VPS26B: variants seen among roughly 807,000 people sequenced by gnomAD.
VPS26B encodes the protein VPS26 retromer complex component B.
Under a neutral mutation model 33.3 loss-of-function variants are expected in VPS26B, and 10 were observed. The observed-to-expected ratio is 0.30, with a 90% CI of 0.19 to 0.51. The LOEUF (loss-of-function observed/expected upper bound fraction) is 0.51, where lower values mean the gene tolerates loss of function less well. Ranked by LOEUF, VPS26B falls within the 20% of genes least tolerant of loss-of-function variation. The probability of loss-of-function intolerance (pLI) is 0.98; values close to 1 mark genes in which losing one functional copy is unlikely to be tolerated. For missense variants in VPS26B, 317 were observed against 452.7 expected (o/e 0.70, Z 2.72); for synonymous variants, 190 against 176.9 (o/e 1.07, Z -0.59).
chr11:134,244,075 C>T lies in VPS26B; in HGVS notation c.721+781C>T, dbSNP rs1055199779. 1.3e-5 allele frequency: 2 copies of T among 152,176 alleles called. No homozygotes were observed. The highest frequency in any genetic ancestry group is 4.8e-5 in the African/African-American group (2 of 41,424). 9.4% of individuals were successfully genotyped at this position (152,176 alleles called of 1,614,324 possible). On this transcript the variant is annotated intron_variant, in intron 4 of 5. Coordinates refer to ENST00000281187, the MANE Select transcript of VPS26B (RefSeq NM_052875.5). The surrounding 1 kb of genome is among the most constrained non-coding windows in gnomAD (Gnocchi z 4.0). ...TTAGCTGCCTGCAGCTCTGGGGACA[C>T]GCGGGTGTTACCATGCCAGGCCCTT...
intron 3 of VPS26B, 34 bp from the exon 4 acceptor site, chr11:134,243,085 C>G (rs1352931866): frequency 1.2e-6 from 2 of 1,610,296 alleles, no homozygotes; most frequent in African/African-American, 2.7e-5. Context: ...GCCACAGTAC[C>G]AACATCTTAC....
intron 1 of VPS26B, among the ~76,000 whole-genome samples, chr11:134,228,203 T>C (rs981458060): frequency 1.3e-5 from 2 of 152,132 alleles, no homozygotes; most frequent in African/African-American, 2.4e-5. Flanking sequence ...GGAGTTTGTG[T>C]TCCTGAAATA....
Position 134,225,036 on chromosome 11 carries a change from G to C in VPS26B, c.-87G>C. 3 of 1,304,844 alleles carry C rather than the reference G, an allele frequency of 2.3e-6. No homozygotes were observed. The highest frequency in any genetic ancestry group is 3.0e-6 in the Non-Finnish European group (3 of 990,686). 80.8% of individuals were successfully genotyped at this position (1,304,844 alleles called of 1,614,324 possible). A position where few individuals can be genotyped will look rare whatever the true frequency, so the allele number is the denominator to read the frequency against. On this transcript the variant is annotated 5_prime_UTR_variant, in exon 1 of 6. Transcript: ENST00000281187. ...GGCGGCCGAGCGCGCTCGCGCATCGGGCCCTCTGGCCTTCTTTACCTAGGG... is the reference window on the plus strand; with the variant it reads ...GGCGGCCGAGCGCGCTCGCGCATCGCGCCCTCTGGCCTTCTTTACCTAGGG...
rs767706549 is a variant in VPS26B at position 134,240,163 on chromosome 11, T to C, written c.545+8T>C. On this transcript the variant is annotated splice_region_variant and intron_variant, in intron 3 of 5. Transcript: ENST00000281187. The surrounding 1 kb of genome is among the most constrained non-coding windows in gnomAD (Gnocchi z 4.4). Reference sequence around the variant, plus strand: ...TGAGTACAATAAATCCAAGTAAGTGTCTCAGTGCCAAGGTTGTGAAATGAT... The same window carrying C: ...TGAGTACAATAAATCCAAGTAAGTGCCTCAGTGCCAAGGTTGTGAAATGAT... 1 of 1,614,026 alleles carries C rather than the reference T, an allele frequency of 6.2e-7. No homozygotes were observed. The highest frequency in any genetic ancestry group is 2.2e-5 in the East Asian group (1 of 44,878).
At chr11:134,239,845 GTCTGT>G (rs1453250462) in intron 2 of VPS26B, 141 bp from the exon 3 acceptor site, 11 of 821,228 alleles carry the variant, frequency 1.3e-5, no homozygotes, top group Non-Finnish European at 2.2e-5. Flanking sequence ...CTGGAAGAGG[GTCTGT>G]AACTTCTTAA....
Position 134,243,291 on chromosome 11 carries a change from C to T in VPS26B, c.718C>T (p.Arg240Ter). The T allele has an allele frequency of 1.9e-6, 3 of 1,613,842 alleles. No individual in the cohort carries two copies. Among genetic ancestry groups the T allele is most frequent in the Non-Finnish European group, 2.5e-6 (3 of 1,179,802 alleles). ...KYEIMDGAPVRGESIPIRLFL... is the reference protein window; with the variant it reads ...KYEIMDGAPV ...CGAGATCATGGACGGGGCACCAGTGCGAGGTGAGACTCCAGGCCCAGGCCT... is the reference window on the plus strand; with the variant it reads ...CGAGATCATGGACGGGGCACCAGTGTGAGGTGAGACTCCAGGCCCAGGCCT... The change falls in exon 4 of 6, where the codon CGA (arginine) becomes TGA (stop). Residue 240 changes from arginine (R) to a stop codon, truncating the protein, a stop_gained. Coordinates refer to ENST00000281187, the MANE Select transcript of VPS26B (RefSeq NM_052875.5). LOFTEE classifies it high-confidence loss of function.
Position 134,245,879 on chromosome 11 carries a change from C to T in VPS26B, c.*289C>T, listed in dbSNP as rs773658884. On this transcript the variant is annotated 3_prime_UTR_variant, in exon 6 of 6. Transcript: ENST00000281187. The surrounding 1 kb of genome is among the most constrained non-coding windows in gnomAD (Gnocchi z 4.7). ...CCCCCTTCCTCGGGGGGCTGCCTTG[C>T]GTCTTAGAGGAGGGAGAGCAGAGAG... 64 of 405,954 alleles carry T rather than the reference C, an allele frequency of 1.6e-4. No homozygotes were observed. The highest frequency in any genetic ancestry group is 2.7e-4 in the Non-Finnish European group (60 of 219,638). 25.1% of individuals were successfully genotyped at this position (405,954 alleles called of 1,614,324 possible). A position where few individuals can be genotyped will look rare whatever the true frequency, so the allele number is the denominator to read the frequency against.
chr11:134,242,502 G>A (rs954530249), intron 3 of VPS26B, among the ~76,000 whole-genome samples: 2 of 152,252 alleles, frequency 1.3e-5, no homozygotes, highest in African/African-American at 2.4e-5. Context: ...CTGTGCACAT[G>A]TAGACTATTG....
chr11:134,237,570 G>A (rs1204161993), intron 2 of VPS26B, among the ~76,000 whole-genome samples: 1 of 152,216 alleles, frequency 6.6e-6, no homozygotes, highest in East Asian at 1.9e-4. Context: ...CTGCTCAGAG[G>A]TCATAACTGA....
rs1347990005 is a variant in VPS26B, at chr11:134,245,488, G to A, written c.909G>A (p.Met303Ile). ...WRKGDIVRKS[M>I]SHQAAIASQR... is the part of the protein sequence containing the mutation. ...AGGGTGACATCGTACGGAAGAGCAT[G>A]TCCCACCAGGCGGCCATCGCCTCAC... The change falls in exon 6 of 6, where the codon ATG becomes ATA. Residue 303 changes from methionine to isoleucine, a missense_variant. Transcript: ENST00000281187. The surrounding 1 kb of genome is among the most constrained non-coding windows in gnomAD (Gnocchi z 4.7). 2 of 1,613,876 alleles carry A rather than the reference G, an allele frequency of 1.2e-6. No individual in the cohort carries two copies. The highest frequency in any genetic ancestry group is 1.7e-6 in the Non-Finnish European group (2 of 1,179,918).
chr11:134,232,915 G>A (rs1318002223), intron 1 of VPS26B, among the ~76,000 whole-genome samples: 2 of 152,150 alleles, frequency 1.3e-5, no homozygotes, highest in Non-Finnish European at 2.9e-5. Context: ...AGGAGTCCCT[G>A]TCCCCGGGGC....
Position 134,245,993 on chromosome 11 carries a change from G to A in VPS26B, c.*403G>A. The stretch of plus-strand genomic sequence containing the variant: ...TTCTGAGCTGCCAACAGGGCCCTGG[G>A]TAGTCACATCTTGTACTCCCCTTTG... On this transcript the variant is annotated 3_prime_UTR_variant, in exon 6 of 6. Transcript: ENST00000281187. The surrounding 1 kb of genome is among the most constrained non-coding windows in gnomAD (Gnocchi z 4.7). The A allele has an allele frequency of 5.5e-6, 1 of 180,748 alleles. No homozygotes were observed. Among genetic ancestry groups the A allele is most frequent in the Non-Finnish European group, 1.2e-5 (1 of 84,458 alleles). 11.2% of individuals were successfully genotyped at this position (180,748 alleles called of 1,614,324 possible). A position where few individuals can be genotyped will look rare whatever the true frequency, so the allele number is the denominator to read the frequency against.
intron 1 of VPS26B, among the ~76,000 whole-genome samples, chr11:134,229,073 A>G (rs563195246): frequency 6.6e-6 from 1 of 152,314 alleles, no homozygotes; most frequent in East Asian, 1.9e-4. Context: ...TCCGTCACCC[A>G]GGCTAGAGTG....
chr11:134,233,016 G>A (rs1188455114), intron 1 of VPS26B, among the ~76,000 whole-genome samples: 1 of 152,200 alleles, frequency 6.6e-6, no homozygotes. Context: ...CCCATAATTT[G>A]GAGCTGCCAC....
intron 1 of VPS26B, among the ~76,000 whole-genome samples, chr11:134,233,331 C>T (rs918438880): frequency 1.3e-5 from 2 of 152,296 alleles, no homozygotes; most frequent in East Asian, 1.9e-4. Flanking sequence ...TCATCTGCCC[C>T]GCTGCAAGTT....
chr11:134,245,868 G>C lies in VPS26B; in HGVS notation c.*278G>C, dbSNP rs1460727197. On this transcript the variant is annotated 3_prime_UTR_variant, in exon 6 of 6. Transcript: ENST00000281187. The surrounding 1 kb of genome is among the most constrained non-coding windows in gnomAD (Gnocchi z 4.7). ...GGGAACATGAGCCCCCTTCCTCGGG[G>C]GGCTGCCTTGCGTCTTAGAGGAGGG... 2 of 430,282 alleles carry C rather than the reference G, an allele frequency of 4.6e-6. No homozygotes were observed. Among genetic ancestry groups the C allele is most frequent in the South Asian group, 3.3e-5 (1 of 30,458 alleles). The allele number at this position is 430,282 out of a possible 1,614,324, so 26.7% of individuals were successfully genotyped here.
chr11:134,233,402 T>G (rs1254670267), intron 1 of VPS26B, among the ~76,000 whole-genome samples: 1 of 152,158 alleles, frequency 6.6e-6, no homozygotes, highest in Non-Finnish European at 1.5e-5. Flanking sequence ...AACTGTAATG[T>G]GGCCATGCAT....
In VPS26B at chr11:134,225,036, G is replaced by A; in HGVS notation, c.-87G>A. On this transcript the variant is annotated 5_prime_UTR_variant, in exon 1 of 6. Coordinates refer to ENST00000281187, the MANE Select transcript of VPS26B (RefSeq NM_052875.5). ...GGCGGCCGAGCGCGCTCGCGCATCG[G>A]GCCCTCTGGCCTTCTTTACCTAGGG... The A allele has an allele frequency of 2.3e-6, 3 of 1,304,844 alleles. No homozygotes were observed. The South Asian group carries it at 5.1e-5, about 22-fold the overall frequency. 80.8% of individuals were successfully genotyped at this position (1,304,844 alleles called of 1,614,324 possible). A position where few individuals can be genotyped will look rare whatever the true frequency, so the allele number is the denominator to read the frequency against.
Position 134,225,510 on chromosome 11 carries a change from CGTTACT to C in VPS26B, c.223+168_223+173del, listed in dbSNP as rs1312320883. 134 of 702,202 alleles carry C rather than the reference CGTTACT, an allele frequency of 1.9e-4. 2 individuals are homozygous for C. The South Asian group carries it at 2.1e-3, about 11-fold the overall frequency. The allele number at this position is 702,202 out of a possible 1,614,324, so 43.5% of individuals were successfully genotyped here. A position where few individuals can be genotyped will look rare whatever the true frequency, so the allele number is the denominator to read the frequency against. ...TCCCGCCCGTGGGCGACTCCCCCTG[CGTTACT>C]GTCCTCCCTGCCAAAAGTGACAGCG... On this transcript the variant is annotated intron_variant, in intron 1 of 5. Coordinates refer to ENST00000281187, the MANE Select transcript of VPS26B (RefSeq NM_052875.5).
Sources: allele counts gnomAD v4.1 joint callset (sites outside exome capture counted in the v4.1 genomes callset), GRCh38; gene constraint gnomAD v4.1.1; non-coding constraint Gnocchi (gnomAD v3.1); transcripts MANE v1.5; gene names NCBI Gene and HGNC (gene_info 2026-07-23, HGNC 2026-07-21).